The following CFAP61 variants were observed in gnomAD, a reference collection of about 807,000 sequenced individuals.
CFAP61 encodes cilia- and flagella-associated protein 61.
A neutral mutation model predicts 135.6 loss-of-function variants in CFAP61; 107 were observed. The observed-to-expected ratio is 0.79, with a 90% CI of 0.67 to 0.93. The LOEUF (loss-of-function observed/expected upper bound fraction) is 0.93. CFAP61 is among the 40% of genes least tolerant of loss of function. The pLI is 0.00. For missense variants in CFAP61, 1,507 were observed against 1,556.2 expected (o/e 0.97, Z 0.53); for synonymous variants, 575 against 578.5 (o/e 0.99, Z 0.09).
chr20:20,209,078 G>A (rs970735803), intron 17 of CFAP61, among the ~76,000 whole-genome samples: 2 of 152,268 alleles, frequency 1.3e-5, no homozygotes, highest in Admixed American at 1.3e-4. Flanking sequence ...ATCGGTGCTT[G>A]CCACTGACTT....
At chr20:20,232,407 AGAG>A (rs762158404) in intron 18 of CFAP61, among the ~76,000 whole-genome samples, 4 of 151,808 alleles carry the variant, frequency 2.6e-5, no homozygotes, top group Non-Finnish European at 5.9e-5. Flanking sequence ...AAGAAGAAGA[AGAG>A]AAGGAGCCGG....
At chr20:20,175,067 A>G (rs1349567582) in intron 13 of CFAP61, among the ~76,000 whole-genome samples, 3 of 152,226 alleles carry the variant, frequency 2.0e-5, no homozygotes, top group African/African-American at 7.2e-5. Flanking sequence ...TCAGGGCACT[A>G]TCCAGTGATG....
At chr20:20,340,077 T>C (rs2058377347) in intron 25 of CFAP61, among the ~76,000 whole-genome samples, 1 of 152,180 alleles carries the variant, frequency 6.6e-6, no homozygotes, top group Non-Finnish European at 1.5e-5. Context: ...GCCCTCACCA[T>C]GCAGGTCTCT....
At chr20:20,342,704 G>A (rs1439296741) in intron 26 of CFAP61, among the ~76,000 whole-genome samples, 6 of 152,110 alleles carry the variant, frequency 3.9e-5, no homozygotes, top group South Asian at 2.1e-4. Flanking sequence ...CTTATTGGAC[G>A]GCACTGCTAG....
chr20:20,167,506 G>A (rs1720441749), intron 12 of CFAP61, among the ~76,000 whole-genome samples: 2 of 152,102 alleles, frequency 1.3e-5, no homozygotes, highest in Admixed American at 1.3e-4. Flanking sequence ...CTTTAAAAAG[G>A]TAAAAGAGCT....
intron 14 of CFAP61, among the ~76,000 whole-genome samples, chr20:20,191,119 AAATAATAATAATAAC>A (rs1440879629): frequency 6.6e-6 from 1 of 152,072 alleles, no homozygotes; most frequent in Non-Finnish European, 1.5e-5. Context: ...ATCTCAAAAA[AAATAATAATAATAAC>A]AATAATAATA....
At chr20:20,176,551 T>C (rs970624952) in intron 13 of CFAP61, among the ~76,000 whole-genome samples, 1 of 152,206 alleles carries the variant, frequency 6.6e-6, no homozygotes, top group Non-Finnish European at 1.5e-5. Flanking sequence ...ATCATGTCCT[T>C]TGCAGGGACA....
intron 7 of CFAP61, among the ~76,000 whole-genome samples, chr20:20,096,697 T>C (rs1170997104): frequency 6.6e-6 from 1 of 152,168 alleles, no homozygotes; most frequent in African/African-American, 2.4e-5. Context: ...GCACATATGG[T>C]AGATGGATTG....
intron 12 of CFAP61, among the ~76,000 whole-genome samples, chr20:20,167,821 A>T (rs1256459176): frequency 6.6e-6 from 1 of 152,230 alleles, no homozygotes; most frequent in East Asian, 1.9e-4. Flanking sequence ...TTGGATTAGC[A>T]CAAGTAATGC....
intron 17 of CFAP61, among the ~76,000 whole-genome samples, chr20:20,203,593 C>T (rs933730218): frequency 6.6e-6 from 1 of 152,106 alleles, no homozygotes; most frequent in Non-Finnish European, 1.5e-5. Context: ...GGGTATCCAT[C>T]CATCCCCTCA....
intron 25 of CFAP61, among the ~76,000 whole-genome samples, chr20:20,318,709 C>G (rs74585522): frequency 0.019 from 2,938 of 152,306 alleles, 100 homozygotes; most frequent in African/African-American, 0.066. Flanking sequence ...GGACTCCAAA[C>G]AGCCTGGCTC....
At chr20:20,185,018 A>C (rs1425342972) in intron 13 of CFAP61, among the ~76,000 whole-genome samples, 2 of 152,142 alleles carry the variant, frequency 1.3e-5, no homozygotes, top group Non-Finnish European at 2.9e-5. Flanking sequence ...GGTCATGGAG[A>C]GTTGGAGAGG....
At position 20,105,492 on chromosome 20, in the gene CFAP61, C is replaced by T. The variant is rs150689790; in HGVS notation, c.859+6678C>T. 7.1e-3 allele frequency among the ~76,000 whole-genome samples: 1,085 copies of T among 152,236 alleles called. 16 individuals carry two copies. Among genetic ancestry groups the T allele is most frequent in the African/African-American group, 0.025 (1,029 of 41,518 alleles). On this transcript the variant is annotated intron_variant, in intron 8 of 26. Transcript: ENST00000245957. ...CCCCTTTTCTTTCCTTCTCCTAGATCCTGTGGTGTGGTTCTTTGATGCCTG... is the reference window on the plus strand; with the variant it reads ...CCCCTTTTCTTTCCTTCTCCTAGATTCTGTGGTGTGGTTCTTTGATGCCTG...
intron 24 of CFAP61, among the ~76,000 whole-genome samples, chr20:20,295,976 C>T (rs898127022): frequency 4.3e-5 from 6 of 140,046 alleles, no homozygotes; most frequent in African/African-American, 1.1e-4. Context: ...TGCACACCAA[C>T]GCCTGCATGC....
chr20:20,287,714 T>C (rs1377251989), intron 22 of CFAP61, among the ~76,000 whole-genome samples: 5 of 152,190 alleles, frequency 3.3e-5, no homozygotes, highest in African/African-American at 7.2e-5. Flanking sequence ...CTTATGTTCA[T>C]TTTTTAGCAT....
chr20:20,346,757 A>G (rs572348203), intron 26 of CFAP61, among the ~76,000 whole-genome samples: 181 of 152,344 alleles, frequency 1.2e-3, no homozygotes, highest in Non-Finnish European at 2.0e-3. Context: ...AAAGAACCCC[A>G]AAATATATTA....
chr20:20,155,720 T>C (rs1423488831), intron 9 of CFAP61, among the ~76,000 whole-genome samples: 1 of 152,144 alleles, frequency 6.6e-6, no homozygotes, highest in East Asian at 1.9e-4. Context: ...CACAATGGAA[T>C]GTCACCTTAC....
At chr20:20,076,879 C>T (rs1441255540) in intron 6 of CFAP61, among the ~76,000 whole-genome samples, 1 of 152,026 alleles carries the variant, frequency 6.6e-6, no homozygotes, top group Non-Finnish European at 1.5e-5. Context: ...GTGACATCTG[C>T]GGGGGTGTAA....
chr20:20,329,410 T>A (rs774802675), intron 25 of CFAP61, among the ~76,000 whole-genome samples: 1 of 152,192 alleles, frequency 6.6e-6, no homozygotes, highest in Non-Finnish European at 1.5e-5. Context: ...AGCCAGGGCC[T>A]GGGAATATCT....
Sources: allele counts gnomAD v4.1 joint callset (sites outside exome capture counted in the v4.1 genomes callset), GRCh38; gene constraint gnomAD v4.1.1; transcripts MANE v1.5; gene names NCBI Gene and HGNC (gene_info 2026-07-23, HGNC 2026-07-21).